The following KDM4C variants were observed in gnomAD, a reference collection of about 807,000 sequenced individuals.
The protein encoded by KDM4C is lysine-specific demethylase 4C.
A neutral mutation model predicts 129.3 loss-of-function variants in KDM4C; 81 were observed. That is an observed-to-expected ratio of 0.63 (90% CI 0.52 to 0.75). KDM4C has a LOEUF of 0.75. Ranked by LOEUF, KDM4C falls within the 30% of genes least tolerant of loss-of-function variation. The probability of loss-of-function intolerance (pLI) is 0.00; values close to 1 mark genes in which losing one functional copy is unlikely to be tolerated. For synonymous variants in KDM4C, 573 were observed against 456.1 expected (o/e 1.26, Z -3.26); for missense variants, 1,457 against 1,304.0 (o/e 1.12, Z -1.81).
intron 20 of KDM4C, among the ~76,000 whole-genome samples, chr9:7,169,573 C>T (rs1433167307): frequency 1.3e-5 from 2 of 152,094 alleles, no homozygotes; most frequent in African/African-American, 2.4e-5. Flanking sequence ...ACCTTGGGAT[C>T]TGCCTGCCTC....
chr9:6,927,097 A>G (rs867823605), intron 8 of KDM4C, among the ~76,000 whole-genome samples: 6 of 143,856 alleles, frequency 4.2e-5, no homozygotes, highest in African/African-American at 1.5e-4. Flanking sequence ...TTTTCTATCT[A>G]TCTATCTATC....
chr9:6,869,907 T>C (rs1842604105), intron 5 of KDM4C, among the ~76,000 whole-genome samples: 1 of 152,236 alleles, frequency 6.6e-6, no homozygotes, highest in South Asian at 2.1e-4. Context: ...TAACAAGACT[T>C]CATAATTTAA....
chr9:6,931,418 G>A (rs1219874545), intron 8 of KDM4C, among the ~76,000 whole-genome samples: 3 of 151,964 alleles, frequency 2.0e-5, no homozygotes, highest in Non-Finnish European at 4.4e-5. Context: ...TTAAAGAATG[G>A]CCATCAACTA....
chr9:7,008,151 A>G (rs1822019541), intron 12 of KDM4C, among the ~76,000 whole-genome samples: 1 of 152,166 alleles, frequency 6.6e-6, no homozygotes, highest in South Asian at 2.1e-4. Context: ...GGATAGGGAT[A>G]CCTGTGTGGG....
intron 17 of KDM4C, among the ~76,000 whole-genome samples, chr9:7,065,507 A>C (rs1205548293): frequency 6.6e-6 from 1 of 152,180 alleles, no homozygotes; most frequent in African/African-American, 2.4e-5. Flanking sequence ...AAGTATGGTC[A>C]TGAAATATTT....
intron 8 of KDM4C, among the ~76,000 whole-genome samples, chr9:6,904,792 G>T (rs1818006697): frequency 6.6e-6 from 1 of 152,008 alleles, no homozygotes; most frequent in African/African-American, 2.4e-5. Context: ...CATCATAAAG[G>T]AGTATTCCAG....
chr9:7,163,461 G>C (rs1438346031), intron 19 of KDM4C, among the ~76,000 whole-genome samples: 1 of 152,098 alleles, frequency 6.6e-6, no homozygotes, highest in Non-Finnish European at 1.5e-5. Context: ...AAGGCTAAGA[G>C]GGGGTGAAGA....
intron 18 of KDM4C, among the ~76,000 whole-genome samples, chr9:7,114,934 C>G (rs1447484705): frequency 2.6e-5 from 4 of 152,090 alleles, no homozygotes; most frequent in Non-Finnish European, 4.4e-5. Context: ...CTAAAATTAG[C>G]TGGTCGTGGT....
At chr9:6,765,398 C>G (rs1018419232) in intron 1 of KDM4C, among the ~76,000 whole-genome samples, 5 of 152,138 alleles carry the variant, frequency 3.3e-5, no homozygotes, top group Non-Finnish European at 5.9e-5. Flanking sequence ...ACTCATTTCT[C>G]TTCTCTGATT....
At chr9:6,775,227 G>A (rs1238723451) in intron 1 of KDM4C, among the ~76,000 whole-genome samples, 1 of 152,004 alleles carries the variant, frequency 6.6e-6, no homozygotes, top group South Asian at 2.1e-4. Flanking sequence ...ATGTTGGCCA[G>A]GCTGGTCTTG....
At chr9:6,995,544 G>A (rs1185146741) in intron 12 of KDM4C, among the ~76,000 whole-genome samples, 3 of 152,162 alleles carry the variant, frequency 2.0e-5, no homozygotes, top group Non-Finnish European at 2.9e-5. Context: ...TAGCACTCTT[G>A]GGATAATGCC....
intron 1 of KDM4C, among the ~76,000 whole-genome samples, chr9:6,770,725 T>C (rs1046320096): frequency 4.0e-5 from 6 of 148,964 alleles, no homozygotes; most frequent in African/African-American, 7.4e-5. Context: ...TTTTTTTTTT[T>C]CAATATAGCC....
At chr9:6,976,013 G>T (rs1455257405) in intron 8 of KDM4C, among the ~76,000 whole-genome samples, 1 of 152,218 alleles carries the variant, frequency 6.6e-6, no homozygotes, top group Non-Finnish European at 1.5e-5. Flanking sequence ...ACTCCAGCCT[G>T]GGTGACAAAG....
At chr9:6,807,690 T>G (rs1362698941) in intron 3 of KDM4C, among the ~76,000 whole-genome samples, 2 of 137,456 alleles carry the variant, frequency 1.5e-5, no homozygotes, top group Admixed American at 1.4e-4. Flanking sequence ...GCCCGGCAGC[T>G]GCCCCGTCTG....
intron 5 of KDM4C, among the ~76,000 whole-genome samples, chr9:6,856,747 A>ATTTTTTT (rs781673639): frequency 9.6e-6 from 1 of 104,302 alleles, no homozygotes; most frequent in African/African-American, 3.7e-5. Context: ...TAATTTTTGT[A>ATTTTTTT]TTTTTTTTTT....
At position 7,094,706 on chromosome 9, in the gene KDM4C, G is replaced by A. The variant is rs534990845; in HGVS notation, c.2425-8979G>A. Among the ~76,000 whole-genome samples, 14 of 152,296 alleles carry A rather than the reference G, an allele frequency of 9.2e-5. No homozygotes were observed. In the South Asian group the frequency reaches 2.1e-3, roughly 23 times the overall value. On this transcript the variant is annotated intron_variant, in intron 17 of 21. Coordinates refer to ENST00000381309, the MANE Select transcript of KDM4C (RefSeq NM_015061.6). ...AGGTGCTTCCTCTGAAAGGTCACCCGGGACATGTCTGCACTGCATTGACTT... is the reference window on the plus strand; with the variant it reads ...AGGTGCTTCCTCTGAAAGGTCACCCAGGACATGTCTGCACTGCATTGACTT...
intron 4 of KDM4C, among the ~76,000 whole-genome samples, chr9:6,819,355 A>C (rs1832642756): frequency 6.6e-6 from 1 of 152,244 alleles, no homozygotes; most frequent in Admixed American, 6.5e-5. Flanking sequence ...TTTAGACTTC[A>C]GATTTGTGTA....
chr9:7,052,779 G>A (rs1182241655), intron 17 of KDM4C, among the ~76,000 whole-genome samples: 2 of 151,780 alleles, frequency 1.3e-5, no homozygotes, highest in Non-Finnish European at 1.5e-5. Context: ...CCCACGAGGT[G>A]GTGCTGCTGC....
At chr9:6,921,905 A>G (rs1011746468) in intron 8 of KDM4C, among the ~76,000 whole-genome samples, 3 of 152,050 alleles carry the variant, frequency 2.0e-5, no homozygotes, top group Non-Finnish European at 4.4e-5. Context: ...TTTTCCCAGA[A>G]TACCCCTCCC....
Sources: allele counts gnomAD v4.1 joint callset (sites outside exome capture counted in the v4.1 genomes callset), GRCh38; gene constraint gnomAD v4.1.1; transcripts MANE v1.5; gene names NCBI Gene and HGNC (gene_info 2026-07-23, HGNC 2026-07-21).